Variants in MALRD1 observed in about 807,000 individuals in gnomAD.
The protein encoded by MALRD1 is MAM and LDL-receptor class A domain-containing protein 1.
In MALRD1, 247 loss-of-function variants were observed where a neutral mutation model predicts 242.1. The observed-to-expected ratio is 1.02, with a 90% CI of 0.92 to 1.13. The LOEUF is 1.13. MALRD1 is among the 50% of genes most tolerant of loss of function. The pLI, the probability that MALRD1 is intolerant of heterozygous loss-of-function variation, is 0.00. For missense variants in MALRD1, 2,989 were observed against 2,533.1 expected (o/e 1.18, Z -3.86); for synonymous variants, 995 against 866.6 (o/e 1.15, Z -2.60).
chr10:19,074,668 T>C (rs543585077), intron 2 of MALRD1, among the ~76,000 whole-genome samples: 1 of 152,230 alleles, frequency 6.6e-6, no homozygotes, highest in African/African-American at 2.4e-5. Context: ...AGCTGTCAGA[T>C]ATCTTAGAGT....
chr10:19,119,041 G>C (rs1836971767), intron 5 of MALRD1, among the ~76,000 whole-genome samples: 1 of 152,206 alleles, frequency 6.6e-6, no homozygotes, highest in African/African-American at 2.4e-5. Flanking sequence ...TCCTGAGCCA[G>C]AGTTGGTAGT....
intron 38 of MALRD1, among the ~76,000 whole-genome samples, chr10:19,696,350 T>G (rs1262815109): frequency 6.6e-6 from 1 of 152,144 alleles, no homozygotes; most frequent in Non-Finnish European, 1.5e-5. Flanking sequence ...TTTTTAGAAA[T>G]TAAAGATATA....
intron 2 of MALRD1, among the ~76,000 whole-genome samples, chr10:19,084,996 G>A (rs1354351561): frequency 1.3e-5 from 2 of 151,986 alleles, no homozygotes; most frequent in Non-Finnish European, 2.9e-5. Context: ...AAGCTATAAT[G>A]AGGATGGTGT....
At chr10:19,338,144 T>C (rs1053160756) in intron 24 of MALRD1, among the ~76,000 whole-genome samples, 1 of 152,118 alleles carries the variant, frequency 6.6e-6, no homozygotes, top group Non-Finnish European at 1.5e-5. Context: ...TGGTACATTT[T>C]CTATAATCGA....
chr10:19,243,451 A>G (rs1183353381), intron 18 of MALRD1, among the ~76,000 whole-genome samples: 1 of 152,146 alleles, frequency 6.6e-6, no homozygotes, highest in African/African-American at 2.4e-5. Context: ...ACCATCCACC[A>G]TAGATTTTAC....
At chr10:19,351,007 T>A (rs923712380) in intron 25 of MALRD1, among the ~76,000 whole-genome samples, 1 of 150,798 alleles carries the variant, frequency 6.6e-6, no homozygotes, top group Admixed American at 6.6e-5. Flanking sequence ...CATAGAATAA[T>A]AATTAAAGAT....
At chr10:19,579,064 A>G (rs919042908) in intron 33 of MALRD1, among the ~76,000 whole-genome samples, 2 of 152,190 alleles carry the variant, frequency 1.3e-5, no homozygotes, top group African/African-American at 4.8e-5. Flanking sequence ...TCTAAAGTTT[A>G]GGTTAAGCTA....
intron 10 of MALRD1, among the ~76,000 whole-genome samples, chr10:19,145,399 T>C (rs905666475): frequency 1.3e-5 from 2 of 152,152 alleles, no homozygotes; most frequent in Non-Finnish European, 2.9e-5. Flanking sequence ...AACCCAGCAC[T>C]TTGGCAGGCC....
At chr10:19,217,270 T>C (rs1837359987) in intron 18 of MALRD1, among the ~76,000 whole-genome samples, 1 of 152,178 alleles carries the variant, frequency 6.6e-6, no homozygotes, top group African/African-American at 2.4e-5. Context: ...GTGCCTCTCA[T>C]CCCTACATTT....
At chr10:19,703,595 G>A (rs1458804278) in intron 38 of MALRD1, among the ~76,000 whole-genome samples, 1 of 152,154 alleles carries the variant, frequency 6.6e-6, no homozygotes, top group Non-Finnish European at 1.5e-5. Flanking sequence ...TGTAAATCAA[G>A]ATTAAAGGGT....
intron 29 of MALRD1, chr10:19,489,075 CA>C: frequency 2.2e-6 from 1 of 459,960 alleles, no homozygotes; most frequent in Non-Finnish European, 4.4e-6. Flanking sequence ...AGGCACCGCG[CA>C]CGCGCCTTTC....
At chr10:19,170,697 T>G (rs1834883411) in intron 13 of MALRD1, among the ~76,000 whole-genome samples, 1 of 152,180 alleles carries the variant, frequency 6.6e-6, no homozygotes, top group South Asian at 2.1e-4. Flanking sequence ...ATCTCTTTAT[T>G]TCATTAGAGA....
At chr10:19,385,043 C>A (rs1455623438) in intron 26 of MALRD1, among the ~76,000 whole-genome samples, 1 of 151,838 alleles carries the variant, frequency 6.6e-6, no homozygotes, top group Non-Finnish European at 1.5e-5. Context: ...ATTCTTCATT[C>A]TGTTAATGTG....
chr10:19,645,289 A>G (rs1370871262), intron 36 of MALRD1, among the ~76,000 whole-genome samples: 2 of 152,194 alleles, frequency 1.3e-5, no homozygotes, highest in Non-Finnish European at 2.9e-5. Flanking sequence ...GGGACTGTCA[A>G]CTAGTTCAAC....
intron 25 of MALRD1, among the ~76,000 whole-genome samples, 182 bp downstream of exon 25, chr10:19,348,200 T>C (rs1185698233): frequency 2.6e-5 from 4 of 152,158 alleles, no homozygotes; most frequent in Non-Finnish European, 4.4e-5. Flanking sequence ...AGGATTGCTA[T>C]AACTGTTGGA....
At chr10:19,547,769 C>G (rs1183951032) in intron 32 of MALRD1, among the ~76,000 whole-genome samples, 1 of 96,128 alleles carries the variant, frequency 1.0e-5, no homozygotes, top group Non-Finnish European at 2.0e-5. Context: ...CTCCATTTTA[C>G]TGAACTTCAC....
intron 8 of MALRD1, among the ~76,000 whole-genome samples, chr10:19,130,928 T>C (rs1348370815): frequency 1.3e-5 from 2 of 152,032 alleles, no homozygotes; most frequent in African/African-American, 4.8e-5. Context: ...AGATTCTGTC[T>C]CTCATATTAT....
intron 33 of MALRD1, among the ~76,000 whole-genome samples, chr10:19,577,018 T>A (rs1836866058): frequency 1.3e-5 from 2 of 151,184 alleles, no homozygotes; most frequent in Non-Finnish European, 2.9e-5. Flanking sequence ...ACTTCAAAGT[T>A]GATTGAGAAA....
chr10:19,617,826 C>G (rs1238575979), intron 36 of MALRD1, among the ~76,000 whole-genome samples: 1 of 151,984 alleles, frequency 6.6e-6, no homozygotes, highest in African/African-American at 2.4e-5. Flanking sequence ...ACTTATGTAA[C>G]AAACCTACAC....
Sources: allele counts gnomAD v4.1 joint callset (sites outside exome capture counted in the v4.1 genomes callset), GRCh38; gene constraint gnomAD v4.1.1; transcripts MANE v1.5; gene names NCBI Gene and HGNC (gene_info 2026-07-23, HGNC 2026-07-21).